ACYP2: variants seen among roughly 807,000 people sequenced by gnomAD.
The protein encoded by ACYP2 is acylphosphatase 2.
In ACYP2, 12 loss-of-function variants were observed where a neutral mutation model predicts 11.2. The observed-to-expected ratio is 1.08, with a 90% CI of 0.69 to 1.74. The LOEUF is 1.74. Ranked by LOEUF, ACYP2 falls within the 40% of genes most tolerant of loss-of-function variation. The pLI, the probability that ACYP2 is intolerant of heterozygous loss-of-function variation, is 0.00. For missense variants in ACYP2, 134 were observed against 101.9 expected (o/e 1.31, Z -1.35); for synonymous variants, 43 against 32.2 (o/e 1.33, Z -1.13).
intron 6 of ACYP2, among the ~76,000 whole-genome samples, chr2:54,282,554 G>T (rs1472993333): frequency 1.3e-5 from 2 of 152,144 alleles, no homozygotes; most frequent in Non-Finnish European, 2.9e-5. Flanking sequence ...GAATGTTTAA[G>T]AAAACTTATT....
intron 2 of ACYP2, among the ~76,000 whole-genome samples, chr2:53,995,221 T>C (rs773391009): frequency 5.3e-4 from 81 of 152,130 alleles, no homozygotes; most frequent in Non-Finnish European, 1.6e-4. Context: ...GATGAAGATA[T>C]CTGTTTGAGA....
intron 6 of ACYP2, among the ~76,000 whole-genome samples, chr2:54,244,609 G>A (rs1044445986): frequency 6.6e-6 from 1 of 152,118 alleles, no homozygotes; most frequent in Admixed American, 6.5e-5. Flanking sequence ...TTCTTGATTT[G>A]TCTATTCCTG....
chr2:54,231,445 G>A (rs985596353), intron 6 of ACYP2, among the ~76,000 whole-genome samples: 4 of 152,150 alleles, frequency 2.6e-5, no homozygotes, highest in South Asian at 2.1e-4. Context: ...TATAATTCAT[G>A]TGCATTTCTG....
At chr2:54,243,059 C>T (rs843651) in intron 6 of ACYP2, among the ~76,000 whole-genome samples, 60,535 of 152,060 alleles carry the variant, frequency 0.4, 12,218 homozygotes, top group South Asian at 0.51. Flanking sequence ...CTCTCTATAT[C>T]AGGGAGATTA....
intron 2 of ACYP2, among the ~76,000 whole-genome samples, chr2:54,047,436 TGTCGA>T (rs1483846706): frequency 6.6e-6 from 1 of 152,234 alleles, no homozygotes; most frequent in African/African-American, 2.4e-5. Flanking sequence ...TGCGTGGCCC[TGTCGA>T]GTCATTTTAT....
chr2:54,152,901 G>A (rs922970334), intron 6 of ACYP2, among the ~76,000 whole-genome samples: 1 of 152,036 alleles, frequency 6.6e-6, no homozygotes, highest in Non-Finnish European at 1.5e-5. Flanking sequence ...GGCCTTAAGT[G>A]AGCCTCCCAC....
intron 6 of ACYP2, among the ~76,000 whole-genome samples, chr2:54,213,638 C>G (rs995410690): frequency 6.6e-6 from 1 of 152,148 alleles, no homozygotes; most frequent in African/African-American, 2.4e-5. Flanking sequence ...GAGGTGGTAT[C>G]TCATTGTGGT....
chr2:54,158,507 G>A (rs1408848537), intron 6 of ACYP2, among the ~76,000 whole-genome samples: 3 of 151,948 alleles, frequency 2.0e-5, no homozygotes, highest in Admixed American at 6.6e-5. Context: ...CACCCAGCAC[G>A]GTCTGCTTTT....
At chr2:54,091,458 GT>G (rs1395783851) in intron 4 of ACYP2, among the ~76,000 whole-genome samples, 1 of 151,426 alleles carries the variant, frequency 6.6e-6, no homozygotes, top group Non-Finnish European at 1.5e-5. Context: ...TTCTCTTCAA[GT>G]CCCTCTTAGA....
At chr2:54,187,923 G>A (rs924355474) in intron 6 of ACYP2, among the ~76,000 whole-genome samples, 3 of 152,138 alleles carry the variant, frequency 2.0e-5, no homozygotes, top group African/African-American at 4.8e-5. Context: ...TGTGGGAATG[G>A]GCTCTACGTT....
At chr2:54,111,533 C>T (rs1679462493) in intron 4 of ACYP2, among the ~76,000 whole-genome samples, 1 of 152,210 alleles carries the variant, frequency 6.6e-6, no homozygotes, top group Admixed American at 6.5e-5. Flanking sequence ...GGAAAGAAAT[C>T]TGCTTTGCTG....
intron 6 of ACYP2, chr2:54,255,165 C>T: frequency 6.2e-7 from 1 of 1,614,174 alleles, no homozygotes; most frequent in Non-Finnish European, 8.5e-7. Flanking sequence ...CCCGGCGCCA[C>T]ATGATTAGAG....
At chr2:54,151,259 T>C (rs996808024) in intron 6 of ACYP2, among the ~76,000 whole-genome samples, 1 of 152,214 alleles carries the variant, frequency 6.6e-6, no homozygotes, top group Non-Finnish European at 1.5e-5. Flanking sequence ...GTGACAATGG[T>C]AAATTGAAAT....
intron 6 of ACYP2, among the ~76,000 whole-genome samples, chr2:54,276,570 G>C (rs1280862032): frequency 6.7e-6 from 1 of 149,726 alleles, no homozygotes; most frequent in Non-Finnish European, 1.5e-5. Context: ...CTTTGACTTT[G>C]ATCATGAAAA....
At chr2:54,092,314 C>T (rs1029856210) in intron 4 of ACYP2, among the ~76,000 whole-genome samples, 1 of 152,150 alleles carries the variant, frequency 6.6e-6, no homozygotes, top group African/African-American at 2.4e-5. Context: ...TCCTGATAAT[C>T]AGGAGAAGTT....
intron 6 of ACYP2, among the ~76,000 whole-genome samples, chr2:54,247,881 C>T (rs1169968571): frequency 6.6e-6 from 1 of 152,222 alleles, no homozygotes; most frequent in African/African-American, 2.4e-5. Flanking sequence ...ATATTCTCAA[C>T]TGAGTCTCAC....
At chr2:54,097,096 G>T (rs1431360768) in intron 4 of ACYP2, among the ~76,000 whole-genome samples, 1 of 152,120 alleles carries the variant, frequency 6.6e-6, no homozygotes, top group African/African-American at 2.4e-5. Flanking sequence ...AATTCAAAAG[G>T]GTTTATAATA....
intron 6 of ACYP2, among the ~76,000 whole-genome samples, chr2:54,212,281 T>C (rs1200778084): frequency 6.6e-6 from 1 of 152,210 alleles, no homozygotes; most frequent in African/African-American, 2.4e-5. Context: ...AGGATGATCT[T>C]TGGAAAATCA....
intron 6 of ACYP2, among the ~76,000 whole-genome samples, chr2:54,163,380 T>G (rs1222451882): frequency 2.6e-5 from 4 of 152,136 alleles, no homozygotes; most frequent in African/African-American, 9.7e-5. Flanking sequence ...TACAAGAGGG[T>G]ATTGTTTGCC....
Sources: gnomAD v4.1 joint callset for allele counts (sites outside exome capture counted in the v4.1 genomes callset) on GRCh38, gnomAD v4.1.1 for gene constraint, MANE v1.5 for transcripts, NCBI Gene and HGNC (gene_info 2026-07-23, HGNC 2026-07-21) for gene names.